The following IL1RAPL1 variants were observed in gnomAD, a reference collection of about 807,000 sequenced individuals.
IL1RAPL1 encodes interleukin 1 receptor accessory protein like 1.
In IL1RAPL1, 3 loss-of-function variants were observed where a neutral mutation model predicts 48.4. The observed-to-expected ratio is 0.06, with a 90% CI of 0.03 to 0.16. The LOEUF (loss-of-function observed/expected upper bound fraction) is 0.16. Among genes scored for constraint, IL1RAPL1 ranks in the 10% least tolerant of loss-of-function variants. IL1RAPL1 has a pLI of 1.00. For missense variants in IL1RAPL1, 349 were observed against 530.6 expected, an observed-to-expected ratio of 0.66 and a Z score of 3.36; for synonymous variants, 185 against 187.7, an observed-to-expected ratio of 0.99 and a Z score of 0.12.
intron 2 of IL1RAPL1, among the ~76,000 whole-genome samples, chrX:28,804,581 A>G (rs1304460159): frequency 9.0e-6 from 1 of 111,081 alleles, no homozygotes; most frequent in East Asian, 2.8e-4. Context: ...CCTGAACTCA[A>G]AATCATCAGC....
At chrX:29,639,859 G>T (rs1230969803) in intron 5 of IL1RAPL1, among the ~76,000 whole-genome samples, 3 of 111,692 alleles carry the variant, frequency 2.7e-5, no homozygotes, top group Admixed American at 9.5e-5. Flanking sequence ...GGTGGCCAGG[G>T]TCTTAAGGCA....
At chrX:29,905,830 A>T (rs111838808) in intron 6 of IL1RAPL1, among the ~76,000 whole-genome samples, 2 of 111,492 alleles carry the variant, frequency 1.8e-5, no homozygotes, top group African/African-American at 3.3e-5. Context: ...ATGTTAAAAA[A>T]TTTTTTGCTG....
rs190857033 is a variant in IL1RAPL1, at chrX:29,761,869, A to T, written c.778+93365A>T. 2.1e-4 allele frequency among the ~76,000 whole-genome samples: 23 copies of T among 112,171 alleles called. No homozygotes were observed. The East Asian group carries it at 5.6e-3, about 27-fold the overall frequency. The stretch of plus-strand genomic sequence containing the variant: ...ATTTTTATTGTAATCATTTCAAAGA[A>T]ATTAGAGTCAAATGTCCTCAACTGT... On this transcript the variant is annotated intron_variant, in intron 6 of 10. Coordinates refer to ENST00000378993, the MANE Select transcript of IL1RAPL1 (RefSeq NM_014271.4).
At chrX:29,139,932 A>C (rs946116760) in intron 2 of IL1RAPL1, among the ~76,000 whole-genome samples, 15 of 111,564 alleles carry the variant, frequency 1.3e-4, no homozygotes, top group Non-Finnish European at 5.6e-5. Flanking sequence ...TTGTGTTGCT[A>C]TAAAGGAATC....
intron 6 of IL1RAPL1, among the ~76,000 whole-genome samples, chrX:29,916,382 C>T (rs1486032245): frequency 8.9e-6 from 1 of 111,835 alleles, no homozygotes; most frequent in Admixed American, 9.5e-5. Flanking sequence ...AATAGGAACA[C>T]TTTTACACTG....
chrX:29,145,347 C>T (rs1441381989), intron 2 of IL1RAPL1, among the ~76,000 whole-genome samples: 1 of 111,975 alleles, frequency 8.9e-6, no homozygotes, highest in Non-Finnish European at 1.9e-5. Flanking sequence ...TCTTATTATC[C>T]AGTCTGTAAT....
chrX:28,838,587 G>A (rs762725599), intron 2 of IL1RAPL1, among the ~76,000 whole-genome samples: 1 of 110,626 alleles, frequency 9.0e-6, no homozygotes, highest in East Asian at 2.9e-4. Context: ...GGCAATAAAA[G>A]GAAATGTTTT....
At chrX:29,699,140 A>T (rs1926989402) in intron 6 of IL1RAPL1, among the ~76,000 whole-genome samples, 1 of 112,775 alleles carries the variant, frequency 8.9e-6, no homozygotes, top group Non-Finnish European at 1.9e-5. Flanking sequence ...GAAAGGATTT[A>T]CAATGAAAAG....
At chrX:28,939,180 G>A (rs1473699815) in intron 2 of IL1RAPL1, among the ~76,000 whole-genome samples, 4 of 110,792 alleles carry the variant, frequency 3.6e-5, no homozygotes, top group Non-Finnish European at 5.7e-5. Context: ...TTCCATTACT[G>A]GGTATATGCC....
At chrX:29,262,449 A>G (rs1931876537) in intron 2 of IL1RAPL1, among the ~76,000 whole-genome samples, 1 of 111,060 alleles carries the variant, frequency 9.0e-6, no homozygotes, top group South Asian at 3.8e-4. Context: ...AGATGACCTG[A>G]GGTCGGGAGT....
At chrX:28,898,735 G>A (rs913688084) in intron 2 of IL1RAPL1, among the ~76,000 whole-genome samples, 4 of 111,804 alleles carry the variant, frequency 3.6e-5, no homozygotes, top group Admixed American at 1.9e-4. Flanking sequence ...TGTTATGGTA[G>A]TGGGACCTGA....
rs1458568495 is a variant in IL1RAPL1 at position 29,251,853 on chromosome X, A to T, written c.83-31085A>T. ...GATTTTGTTAAACAACATGTATACG[A>T]TATTGTGGTTAAAGTAGAAAATCAA... On this transcript the variant is annotated intron_variant, in intron 2 of 10. Transcript: ENST00000378993. Among the ~76,000 whole-genome samples the T allele has an allele frequency of 6.3e-5, 7 of 111,221 alleles. No homozygotes were observed. The East Asian group carries it at 1.1e-3, about 18-fold the overall frequency.
chrX:28,948,589 G>A (rs1924367640), intron 2 of IL1RAPL1, among the ~76,000 whole-genome samples: 1 of 111,641 alleles, frequency 9.0e-6, no homozygotes, highest in Admixed American at 9.5e-5. Context: ...AAAAAAGGAT[G>A]GAATAGCAGT....
intron 1 of IL1RAPL1, among the ~76,000 whole-genome samples, chrX:28,606,035 G>T (rs903362047): frequency 9.0e-6 from 1 of 110,763 alleles, no homozygotes; most frequent in African/African-American, 3.3e-5. Context: ...TCCTTATCTG[G>T]TTCTACTTTC....
intron 2 of IL1RAPL1, among the ~76,000 whole-genome samples, chrX:29,042,507 A>C (rs1042187196): frequency 8.9e-6 from 1 of 111,903 alleles, no homozygotes; most frequent in Non-Finnish European, 1.9e-5. Context: ...ATCATATATA[A>C]CATATGAATA....
chrX:29,817,141 G>C lies in IL1RAPL1; in HGVS notation c.779-100323G>C, dbSNP rs770159119. On this transcript the variant is annotated intron_variant, in intron 6 of 10. Transcript: ENST00000378993. ...CTCAAGCCTAATTTGGGAACTGTGG[G>C]AGCATAATAACGCATTGTCTATTTC... 3.8e-3 allele frequency among the ~76,000 whole-genome samples: 421 copies of C among 111,377 alleles called. 3 individuals are homozygous for C. Among genetic ancestry groups the C allele is most frequent in the African/African-American group, 0.013 (401 of 30,737 alleles).
chrX:29,046,037 TC>T (rs1926963607), intron 2 of IL1RAPL1, among the ~76,000 whole-genome samples: 1 of 100,060 alleles, frequency 1.0e-5, no homozygotes, highest in Non-Finnish European at 2.0e-5. Flanking sequence ...CTTCTTCTCC[TC>T]CTCCTCCTCC....
chrX:29,410,976 A>G (rs1232131076), intron 5 of IL1RAPL1, among the ~76,000 whole-genome samples: 2 of 111,557 alleles, frequency 1.8e-5, no homozygotes, highest in Non-Finnish European at 3.8e-5. Context: ...ACTCTTGGTC[A>G]AAAAAATCTC....
intron 2 of IL1RAPL1, among the ~76,000 whole-genome samples, chrX:28,934,551 C>A (rs1923967680): frequency 9.0e-6 from 1 of 111,114 alleles, no homozygotes; most frequent in African/African-American, 3.3e-5. Context: ...CTAACCCTTC[C>A]CCCTCAGCCA....
Sources: allele counts gnomAD v4.1 joint callset (sites outside exome capture counted in the v4.1 genomes callset), GRCh38; gene constraint gnomAD v4.1.1; transcripts MANE v1.5; gene names NCBI Gene and HGNC (gene_info 2026-07-23, HGNC 2026-07-21).